Variants in C1QTNF3 observed in about 807,000 individuals in gnomAD.
C1QTNF3 encodes C1q and TNF related 3.
A neutral mutation model predicts 32.6 loss-of-function variants in C1QTNF3; 26 were observed. That is an observed-to-expected ratio of 0.80 (90% CI 0.58 to 1.11). The LOEUF is 1.11. C1QTNF3 is among the 50% of genes least tolerant of loss of function. C1QTNF3 has a pLI of 0.00. For missense variants in C1QTNF3, 362 were observed against 398.2 expected (o/e 0.91, Z 0.77); for synonymous variants, 155 against 146.0 (o/e 1.06, Z -0.44).
At chr5:34,129,188 T>A in the C1QTNF3 span, among the ~76,000 whole-genome samples, 2 of 152,158 alleles carry the variant, frequency 1.3e-5, no homozygotes, top group Admixed American at 6.5e-5. Flanking sequence ...TGATTGTACA[T>A]TTCCTGAGGC....
At position 34,018,498 on chromosome 5, in the gene C1QTNF3, T is replaced by C. The variant is rs1268323541; in HGVS notation, c.*2085A>G. Among the ~76,000 whole-genome samples, 1 of 152,190 alleles carries C rather than the reference T, an allele frequency of 6.6e-6. No homozygotes were observed. The highest frequency in any genetic ancestry group is 1.5e-5 in the Non-Finnish European group (1 of 68,032). On this transcript the variant is annotated 3_prime_UTR_variant, in exon 6 of 6. Transcript: ENST00000382065. ...GTTGAAAAATTAGGGAAGGTAAGAA[T>C]TGTACTTTAAATGCCATAGGAGTGC... is the stretch of plus-strand genomic sequence containing the variant.
chr5:34,050,142 A>C, the C1QTNF3 span, among the ~76,000 whole-genome samples: 1 of 152,234 alleles, frequency 6.6e-6, no homozygotes, highest in Non-Finnish European at 1.5e-5. Flanking sequence ...AGATAGGATA[A>C]GCCTTTTTGA....
At chr5:34,054,357 A>G in the C1QTNF3 span, among the ~76,000 whole-genome samples, 4 of 152,194 alleles carry the variant, frequency 2.6e-5, no homozygotes, top group African/African-American at 9.7e-5. Flanking sequence ...CTCAGTTCCC[A>G]GAGATTCAGA....
the C1QTNF3 span, among the ~76,000 whole-genome samples, chr5:34,138,975 T>A: frequency 6.6e-6 from 1 of 151,896 alleles, no homozygotes; most frequent in Non-Finnish European, 1.5e-5. Flanking sequence ...TAGGGATTAT[T>A]CAAATTCTAA....
chr5:34,081,261 C>G, the C1QTNF3 span, among the ~76,000 whole-genome samples: 5 of 151,666 alleles, frequency 3.3e-5, no homozygotes, highest in African/African-American at 1.2e-4. Flanking sequence ...AAATTATTGA[C>G]AAAACTTACC....
At chr5:34,100,893 T>C in the C1QTNF3 span, among the ~76,000 whole-genome samples, 3 of 151,720 alleles carry the variant, frequency 2.0e-5, no homozygotes, top group Non-Finnish European at 4.4e-5. Context: ...AACAAGTCCA[T>C]TCTTTCCAGT....
chr5:34,174,006 T>A, the C1QTNF3 span, among the ~76,000 whole-genome samples: 1 of 152,212 alleles, frequency 6.6e-6, no homozygotes, highest in African/African-American at 2.4e-5. Context: ...GAACCAAAAG[T>A]TGTGAATGCC....
At chr5:34,123,294 C>A in the C1QTNF3 span, among the ~76,000 whole-genome samples, 1 of 152,172 alleles carries the variant, frequency 6.6e-6, no homozygotes, top group Non-Finnish European at 1.5e-5. Flanking sequence ...ATATATTTTG[C>A]CCTGTTGGTG....
the C1QTNF3 span, among the ~76,000 whole-genome samples, chr5:34,196,466 T>G: frequency 6.6e-6 from 1 of 152,064 alleles, no homozygotes; most frequent in East Asian, 2.0e-4. Flanking sequence ...GCTACCTAAT[T>G]TACGGTATTC....
chr5:34,203,401 T>C, the C1QTNF3 span, among the ~76,000 whole-genome samples: 1 of 152,174 alleles, frequency 6.6e-6, no homozygotes, highest in African/African-American at 2.4e-5. Context: ...GATTGATAGA[T>C]ATTGGGCCAG....
chr5:34,088,670 C>T, the C1QTNF3 span, among the ~76,000 whole-genome samples: 11 of 151,944 alleles, frequency 7.2e-5, no homozygotes, highest in South Asian at 2.1e-3. Context: ...TGCTTTTTTG[C>T]TTTTTTTGTT....
At chr5:34,227,378 G>A in the C1QTNF3 span, among the ~76,000 whole-genome samples, 1 of 151,850 alleles carries the variant, frequency 6.6e-6, no homozygotes, top group African/African-American at 2.4e-5. Context: ...CTCTGTGTGT[G>A]CCTACGTCTT....
In C1QTNF3 at chr5:34,033,302, A is replaced by G. The variant is rs1478910222; in HGVS notation, c.570+2T>C. On this transcript the variant is annotated splice_donor_variant, in intron 3 of 5. Coordinates refer to ENST00000382065, the MANE Select transcript of C1QTNF3 (RefSeq NM_181435.6). LOFTEE classifies it high-confidence loss of function. ...CCAGGAGATGTACCGAGGATGGTTT[A>G]CCTGAAGTTCTGGTGGAATCCCCGG... The G allele has an allele frequency of 6.2e-6, 10 of 1,613,532 alleles. No homozygotes were observed. The East Asian group carries it at 6.7e-5, about 11-fold the overall frequency.
At chr5:34,123,261 A>T in the C1QTNF3 span, among the ~76,000 whole-genome samples, 2 of 152,148 alleles carry the variant, frequency 1.3e-5, no homozygotes, top group Non-Finnish European at 2.9e-5. Context: ...TCAGCACTGG[A>T]GAGCTGCAGC....
the C1QTNF3 span, among the ~76,000 whole-genome samples, chr5:34,175,200 C>T: frequency 1.4e-4 from 21 of 152,216 alleles, no homozygotes; most frequent in Admixed American, 8.5e-4. Flanking sequence ...CACACCACCA[C>T]ACCTAGCTAA....
chr5:34,030,167 T>C (rs1754576978), intron 3 of C1QTNF3, among the ~76,000 whole-genome samples: 1 of 152,218 alleles, frequency 6.6e-6, no homozygotes, highest in African/African-American at 2.4e-5. Flanking sequence ...AAATGTCATC[T>C]TGGAACTGTA....
the C1QTNF3 span, among the ~76,000 whole-genome samples, chr5:34,171,557 C>G: frequency 1.9e-3 from 290 of 152,070 alleles, 2 homozygotes; most frequent in Middle Eastern, 0.014. Context: ...CATCTAAAAC[C>G]AATTCAGTCT....
chr5:34,032,239 T>C (rs536371469), intron 3 of C1QTNF3, among the ~76,000 whole-genome samples: 10 of 152,250 alleles, frequency 6.6e-5, no homozygotes, highest in Non-Finnish European at 1.5e-4. Context: ...GTTAGTAATT[T>C]TCCTTGTGAC....
chr5:34,220,491 C>CAT, the C1QTNF3 span, among the ~76,000 whole-genome samples: 2 of 141,008 alleles, frequency 1.4e-5, no homozygotes, highest in Admixed American at 1.4e-4. Context: ...GTTCAGTTAG[C>CAT]ATACACACAC....
Sources: gnomAD v4.1 joint callset for allele counts (sites outside exome capture counted in the v4.1 genomes callset) on GRCh38, gnomAD v4.1.1 for gene constraint, MANE v1.5 for transcripts, NCBI Gene and HGNC (gene_info 2026-07-23, HGNC 2026-07-21) for gene names.